USP6: variants seen among roughly 807,000 people sequenced by gnomAD.
USP6 encodes ubiquitin carboxyl-terminal hydrolase 6.
USP6 carries 128 observed loss-of-function variants against 175.7 expected under a neutral mutation model. The ratio of observed to expected loss-of-function variants is 0.73; its 90% CI spans 0.63 to 0.84. The LOEUF is 0.84. USP6 is among the 40% of genes least tolerant of loss of function. The pLI is 0.00. For synonymous variants in USP6, 562 were observed against 630.6 expected (o/e 0.89, Z 1.63); for missense variants, 1,498 against 1,760.3 (o/e 0.85, Z 2.67).
chr17:5,125,680 A>G (rs7502365), intron 5 of USP6, 141 bp from the exon 6 acceptor site: 1,522 of 44,732 alleles, frequency 0.034, 28 homozygotes, highest in African/African-American at 0.093. Context: ...ACGCACATGC[A>G]CACACACACA....
Position 5,168,899 on chromosome 17 carries a change from A to C in USP6, c.3361A>C (p.Lys1121Gln). The change falls in exon 35 of 38, where the codon AAA becomes CAA. Residue 1121 changes from lysine to glutamine, a missense_variant. By Grantham distance (53) the Lys-to-Gln change is moderately conservative. Around this residue, in one of 2 missense-constraint regions of USP6, gnomAD observed 1,217 missense variants for 1,500.8 expected, o/e 0.81. Coordinates refer to ENST00000574788, the MANE Select transcript of USP6 (RefSeq NM_001304284.2). ...ACGAGACCCGGCCCTCTGCCAGCAT[A>C]AACCACTCACACCCCAGGGGGATGA... ...VPRDPALCQHKPLTPQGDELS... is the reference protein window; with the variant it reads ...VPRDPALCQHQPLTPQGDELS... The C allele has an allele frequency of 6.2e-7, 1 of 1,613,976 alleles. No individual in the cohort carries two copies. Among genetic ancestry groups the C allele is most frequent in the Non-Finnish European group, 8.5e-7 (1 of 1,179,862 alleles).
At position 5,168,872 on chromosome 17, in the gene USP6, C is replaced by T. The variant is rs2144168873; in HGVS notation, c.3334C>T (p.Pro1112Ser). 1.9e-6 allele frequency: 3 copies of T among 1,612,926 alleles called. No homozygotes were observed. Among genetic ancestry groups the T allele is most frequent in the Middle Eastern group, 3.3e-4 (2 of 6,046 alleles). Residue 1112 changes from proline (P) to serine (S), a missense_variant, in exon 35 of 38, where the codon CCA becomes TCA. Pro to Ser is a moderately conservative substitution (Grantham distance 74). Transcript: ENST00000574788. Reference protein sequence around the residue: ...ESFDPSAFLVPRDPALCQHKP... With the variant: ...ESFDPSAFLVSRDPALCQHKP... ...TTTTGATCCGAGTGCTTTTTTGGTA[C>T]CACGAGACCCGGCCCTCTGCCAGCA...
At chr17:5,123,816 C>T (rs1024904456) in intron 4 of USP6, among the ~76,000 whole-genome samples, 1 of 152,156 alleles carries the variant, frequency 6.6e-6, no homozygotes, top group Non-Finnish European at 1.5e-5. Flanking sequence ...CACACACACA[C>T]ACAAACATGC....
rs990329983 is a variant in USP6 at position 5,135,369 on chromosome 17, A to G, written c.543+87A>G. On this transcript the variant is annotated intron_variant, in intron 16 of 37. Transcript: ENST00000574788. ...TGGTGGGGGTGTCGTTGCTTCTTTTAAAGTTGGTATTTGTGACTCACCAGG... is the reference window on the plus strand; with the variant it reads ...TGGTGGGGGTGTCGTTGCTTCTTTTGAAGTTGGTATTTGTGACTCACCAGG... The G allele has an allele frequency of 2.6e-6, 4 of 1,529,994 alleles. No individual in the cohort carries two copies. The Admixed American group carries it at 5.1e-5, about 19-fold the overall frequency. 94.8% of individuals were successfully genotyped at this position (1,529,994 alleles called of 1,614,324 possible).
intron 2 of USP6, 132 bp from the exon 3 acceptor site, chr17:5,120,495 C>T (rs2072629829): frequency 3.1e-6 from 1 of 324,444 alleles, no homozygotes; most frequent in African/African-American, 2.2e-5. Context: ...GGGTGAGGAG[C>T]TGTTGGCCTA....
At position 5,120,793 on chromosome 17, in the gene USP6, G is replaced by C; in HGVS notation, c.-1675+5G>C. On this transcript the variant is annotated splice_donor_5th_base_variant and intron_variant, in intron 3 of 37. Coordinates refer to ENST00000574788, the MANE Select transcript of USP6 (RefSeq NM_001304284.2). Reference sequence around the variant, plus strand: ...AAGGGCTGTTTCTTCAGCATGGTGGGTGGCCATATGTAAGCAGGTGTGCAC... The same window carrying C: ...AAGGGCTGTTTCTTCAGCATGGTGGCTGGCCATATGTAAGCAGGTGTGCAC... The C allele has an allele frequency of 4.4e-6, 2 of 449,522 alleles. No homozygotes were observed. The highest frequency in any genetic ancestry group is 8.9e-6 in the Non-Finnish European group (2 of 224,104). 27.8% of individuals were successfully genotyped at this position (449,522 alleles called of 1,614,324 possible).
At chr17:5,163,060 G>A (rs1598091350) in intron 33 of USP6, 56 bp downstream of exon 33, 5 of 1,501,234 alleles carry the variant, frequency 3.3e-6, no homozygotes. Flanking sequence ...ATTTCCCCCA[G>A]TGTAACTATT....
chr17:5,144,694 C>T lies in USP6; in HGVS notation c.1823C>T (p.Thr608Ile). 6.2e-7 allele frequency: 1 copy of T among 1,613,360 alleles called. No individual in the cohort carries two copies. Among genetic ancestry groups the T allele is most frequent in the Non-Finnish European group, 8.5e-7 (1 of 1,179,690 alleles). Reference sequence around the variant, plus strand: ...TGACTTCTCTTATATTTATAGCGGACCATAGCAAAATATGCTCCCAAGTTT... The same window carrying T: ...TGACTTCTCTTATATTTATAGCGGATCATAGCAAAATATGCTCCCAAGTTT... ...KSVAPLKLRR[T>I]IAKYAPKFDG... The change falls in exon 26 of 38, where the codon ACC (threonine) becomes ATC (isoleucine). Residue 608 changes from threonine to isoleucine, a missense_variant. Transcript: ENST00000574788.
At chr17:5,127,799 T>A (rs1206294022) in intron 7 of USP6, among the ~76,000 whole-genome samples, 160 bp downstream of exon 7, 1 of 152,266 alleles carries the variant, frequency 6.6e-6, no homozygotes, top group Non-Finnish European at 1.5e-5. Context: ...CATCTCTAGA[T>A]TATTCATTAT....
intron 4 of USP6, among the ~76,000 whole-genome samples, chr17:5,124,188 G>A (rs1283302788): frequency 6.6e-6 from 1 of 152,152 alleles, no homozygotes; most frequent in Non-Finnish European, 1.5e-5. Context: ...CTGTAACCTC[G>A]AGTCAGTCCC....
Position 5,170,643 on chromosome 17 carries a change from A to T in USP6, c.3682A>T (p.Ser1228Cys). ...AAGTAGTAAGAAGAACTTGGATGCCAGCAAAGAGAATGGGGCTGGGCAGAT... is the reference window on the plus strand; with the variant it reads ...AAGTAGTAAGAAGAACTTGGATGCCTGCAAAGAGAATGGGGCTGGGCAGAT... Reference protein sequence around the residue: ...PSSSKKNLDASKENGAGQICE... With the variant: ...PSSSKKNLDACKENGAGQICE... The change falls in exon 36 of 38, where the codon AGC becomes TGC. Residue 1228 changes from serine (S) to cysteine (C), a missense_variant. By Grantham distance (112) the Ser-to-Cys change is moderately radical. Transcript: ENST00000574788. The T allele has an allele frequency of 6.2e-7, 1 of 1,613,902 alleles. No individual in the cohort carries two copies. The highest frequency in any genetic ancestry group is 1.7e-5 in the Admixed American group (1 of 60,016).
At chr17:5,120,219 G>A (rs1275139288) in intron 2 of USP6, among the ~76,000 whole-genome samples, 1 of 152,150 alleles carries the variant, frequency 6.6e-6, no homozygotes, top group East Asian at 1.9e-4. Context: ...GCCTGGCACG[G>A]TGACACCAAC....
chr17:5,123,625 C>T (rs1597966195), intron 4 of USP6, among the ~76,000 whole-genome samples: 1 of 152,126 alleles, frequency 6.6e-6, no homozygotes, highest in African/African-American at 2.4e-5. Context: ...TGGGGACAAG[C>T]GGGGAGCCAG....
At chr17:5,172,263 G>A (rs1432418099) in intron 37 of USP6, among the ~76,000 whole-genome samples, 2 of 152,104 alleles carry the variant, frequency 1.3e-5, no homozygotes, top group Non-Finnish European at 2.9e-5. Context: ...CGAGCGCGGT[G>A]GCTCATGCCT....
At chr17:5,154,721 TTC>T (rs1491099915) in intron 30 of USP6, among the ~76,000 whole-genome samples, 4 of 109,370 alleles carry the variant, frequency 3.7e-5, no homozygotes, top group Non-Finnish European at 9.7e-5. Context: ...CTTTTTTTTT[TTC>T]CCCCCACTGG....
intron 30 of USP6, among the ~76,000 whole-genome samples, chr17:5,150,151 G>A (rs908667870): frequency 6.6e-6 from 1 of 151,972 alleles, no homozygotes; most frequent in Non-Finnish European, 1.5e-5. Flanking sequence ...AATCAGCCAG[G>A]CATGGTGGCA....
At chr17:5,156,097 A>T (rs950473897) in intron 31 of USP6, among the ~76,000 whole-genome samples, 5 of 152,300 alleles carry the variant, frequency 3.3e-5, no homozygotes, top group Admixed American at 2.6e-4. Flanking sequence ...ATACCATGTC[A>T]TTCTTTTTTC....
In USP6 at chr17:5,148,745, T is replaced by C; in HGVS notation, c.2621T>C (p.Ile874Thr). ...SLPDSPFTGY[I>T]IAVHRKMMRT... ...CCTGACAGCCCCTTTACAGGTTACATCATTGCAGTCCACCGAAAAATGGTT... is the reference window on the plus strand; with the variant it reads ...CCTGACAGCCCCTTTACAGGTTACACCATTGCAGTCCACCGAAAAATGGTT... Residue 874 changes from isoleucine (I) to threonine (T), a missense_variant, in exon 30 of 38, where the codon ATC becomes ACC. Ile to Thr is a moderately conservative substitution (Grantham distance 89). Transcript: ENST00000574788. The C allele has an allele frequency of 5.6e-6, 9 of 1,612,968 alleles. No homozygotes were observed. Among genetic ancestry groups the C allele is most frequent in the Non-Finnish European group, 7.6e-6 (9 of 1,178,942 alleles).
At chr17:5,128,120 A>G (rs1246883927) in intron 7 of USP6, among the ~76,000 whole-genome samples, 1 of 152,192 alleles carries the variant, frequency 6.6e-6, no homozygotes, top group Non-Finnish European at 1.5e-5. Flanking sequence ...AGGCAGACTA[A>G]GCCCAGGTCA....
Sources: gnomAD v4.1 joint callset for allele counts (sites outside exome capture counted in the v4.1 genomes callset) on GRCh38, gnomAD v4.1.1 for gene constraint, gnomAD v4.1.1 regional missense constraint, MANE v1.5 for transcripts, NCBI Gene and HGNC (gene_info 2026-07-23, HGNC 2026-07-21) for gene names.